Variants in SUGCT observed in about 807,000 individuals in gnomAD.
SUGCT encodes succinyl-CoA:glutarate-CoA transferase, also known as succinyl-CoA:glutarate CoA-transferase.
In SUGCT, 41 loss-of-function variants were observed where a neutral mutation model predicts 55.0. That is an observed-to-expected ratio of 0.74 (90% CI 0.58 to 0.97). The LOEUF is 0.97. Among genes scored for constraint, SUGCT ranks in the 50% least tolerant of loss-of-function variants. The probability of loss-of-function intolerance (pLI) is 0.00; values close to 1 mark genes in which losing one functional copy is unlikely to be tolerated. For missense variants in SUGCT, 568 were observed against 547.8 expected (o/e 1.04, Z -0.37); for synonymous variants, 187 against 200.4 (o/e 0.93, Z 0.56).
At chr7:40,449,521 G>GT (rs1321787793) in intron 10 of SUGCT, among the ~76,000 whole-genome samples, 163 bp downstream of exon 10, 2 of 152,136 alleles carry the variant, frequency 1.3e-5, no homozygotes, top group Admixed American at 1.3e-4. Flanking sequence ...AGCATTCTGT[G>GT]TTTTTTGTGG....
chr7:40,898,473 G>A, the SUGCT span, among the ~76,000 whole-genome samples: 4 of 109,564 alleles, frequency 3.7e-5, no homozygotes, highest in South Asian at 4.6e-4. Flanking sequence ...CCAGCACTCC[G>A]GGAGGTCGGG....
intron 8 of SUGCT, among the ~76,000 whole-genome samples, chr7:40,313,948 A>G (rs562487777): frequency 3.9e-5 from 6 of 152,276 alleles, no homozygotes; most frequent in African/African-American, 1.2e-4. Flanking sequence ...CTTCTGCCCA[A>G]TGTGAGCCTG....
chr7:40,851,567 G>C (rs1245490119), intron 13 of SUGCT, among the ~76,000 whole-genome samples: 1 of 152,312 alleles, frequency 6.6e-6, no homozygotes, highest in Non-Finnish European at 1.5e-5. Flanking sequence ...ATATGAAGCA[G>C]TTGAAGCAAA....
intron 12 of SUGCT, among the ~76,000 whole-genome samples, chr7:40,582,402 A>C (rs902862035): frequency 7.9e-5 from 12 of 152,200 alleles, no homozygotes; most frequent in Admixed American, 5.9e-4. Flanking sequence ...CACAGGCAGA[A>C]CTGAAATGAG....
chr7:40,532,649 A>T (rs539468302), intron 12 of SUGCT, among the ~76,000 whole-genome samples: 1 of 152,030 alleles, frequency 6.6e-6, no homozygotes, highest in African/African-American at 2.4e-5. Flanking sequence ...TAGGTAAGCA[A>T]GCAAAAATTT....
chr7:40,379,576 A>G (rs539438164), intron 9 of SUGCT, among the ~76,000 whole-genome samples: 1 of 152,070 alleles, frequency 6.6e-6, no homozygotes, highest in South Asian at 2.1e-4. Flanking sequence ...TGTAAAGTTT[A>G]TATTCTTTGT....
At position 40,832,553 on chromosome 7, in the gene SUGCT, G is replaced by GTT. The variant is rs1420713072; in HGVS notation, c.1154-27756_1154-27755dup. Among the ~76,000 whole-genome samples, 92 of 133,554 alleles carry GTT rather than the reference G, an allele frequency of 6.9e-4. 1 individual carries two copies. The highest frequency in any genetic ancestry group is 3.9e-3 in the Middle Eastern group (1 of 256). 87.6% of individuals were successfully genotyped at this position (133,554 alleles called of 152,430 possible). On this transcript the variant is annotated intron_variant, in intron 13 of 13. Transcript: ENST00000335693. ...TTTGGTTGGTTTTTTGTTTTCCAGG[G>GTT]TTTTTTTTGTTTTTTTTTTTTCCCG...
intron 9 of SUGCT, 111 bp downstream of exon 9, chr7:40,316,966 T>TG: frequency 1.9e-6 from 1 of 539,706 alleles, no homozygotes; most frequent in Admixed American, 3.7e-5. Context: ...TTTTTTTTTT[T>TG]TTTTTTTGTA....
At chr7:40,776,295 C>T (rs767651739) in intron 13 of SUGCT, among the ~76,000 whole-genome samples, 2 of 152,164 alleles carry the variant, frequency 1.3e-5, no homozygotes, top group African/African-American at 2.4e-5. Context: ...CACAAAAGCA[C>T]GTGTGTTCAG....
chr7:40,568,238 A>G (rs1358113087), intron 12 of SUGCT, among the ~76,000 whole-genome samples: 1 of 152,140 alleles, frequency 6.6e-6, no homozygotes, highest in Non-Finnish European at 1.5e-5. Flanking sequence ...GCTGTACCAC[A>G]TTTCTTAATT....
intron 6 of SUGCT, among the ~76,000 whole-genome samples, chr7:40,205,510 G>A (rs1268708154): frequency 6.6e-6 from 1 of 151,514 alleles, no homozygotes; most frequent in Non-Finnish European, 1.5e-5. Context: ...GCATGGTGGT[G>A]CATGCCTGTA....
chr7:40,708,853 C>T (rs1357687742), intron 12 of SUGCT, among the ~76,000 whole-genome samples: 1 of 152,136 alleles, frequency 6.6e-6, no homozygotes, highest in African/African-American at 2.4e-5. Flanking sequence ...TTTCTCACCT[C>T]TCTATATCAG....
chr7:40,261,264 AG>A (rs1791206313), intron 7 of SUGCT, among the ~76,000 whole-genome samples: 1 of 152,178 alleles, frequency 6.6e-6, no homozygotes, highest in South Asian at 2.1e-4. Context: ...ATCAGAGAAG[AG>A]GTTTTAGTTA....
intron 8 of SUGCT, among the ~76,000 whole-genome samples, chr7:40,293,459 C>T (rs112969788): frequency 6.6e-6 from 1 of 152,160 alleles, no homozygotes; most frequent in Non-Finnish European, 1.5e-5. Flanking sequence ...AAAAATCTCT[C>T]CGGATGATTC....
intron 8 of SUGCT, among the ~76,000 whole-genome samples, chr7:40,313,895 A>G (rs1002275727): frequency 2.0e-5 from 3 of 151,796 alleles, no homozygotes; most frequent in Non-Finnish European, 4.4e-5. Flanking sequence ...CCTGGCCCAC[A>G]CTTTGTTTTT....
the SUGCT span, among the ~76,000 whole-genome samples, chr7:40,989,625 G>C: frequency 2.7e-5 from 4 of 150,782 alleles, no homozygotes; most frequent in Admixed American, 6.6e-5. Context: ...AAAAAAATCA[G>C]CTGGCCCTGG....
intron 11 of SUGCT, among the ~76,000 whole-genome samples, chr7:40,488,542 TTTGA>T (rs1386155407): frequency 6.6e-6 from 1 of 152,208 alleles, no homozygotes; most frequent in Non-Finnish European, 1.5e-5. Flanking sequence ...ATATTCTGAA[TTTGA>T]TTGTGTACTT....
the SUGCT span, chr7:40,965,676 G>A: frequency 6.6e-6 from 1 of 152,138 alleles, no homozygotes; most frequent in Non-Finnish European, 1.5e-5. Flanking sequence ...TCTTTGGGTT[G>A]ATTTAAGTTT....
At chr7:40,353,498 T>C (rs778916789) in intron 9 of SUGCT, among the ~76,000 whole-genome samples, 10 of 152,160 alleles carry the variant, frequency 6.6e-5, no homozygotes, top group Non-Finnish European at 1.3e-4. Flanking sequence ...TTTTCCGAAA[T>C]TGGGTTTAAA....
Sources: gnomAD v4.1 joint callset for allele counts (sites outside exome capture counted in the v4.1 genomes callset) on GRCh38, gnomAD v4.1.1 for gene constraint, MANE v1.5 for transcripts, NCBI Gene and HGNC (gene_info 2026-07-23, HGNC 2026-07-21) for gene names.